Variants in FUT8 observed in about 807,000 individuals in gnomAD.
FUT8 encodes the protein fucosyltransferase 8, also known as alpha-(1,6)-fucosyltransferase.
A neutral mutation model predicts 71.3 loss-of-function variants in FUT8; 29 were observed. The observed-to-expected ratio is 0.41, with a 90% CI of 0.30 to 0.55. The LOEUF is 0.55. Ranked by LOEUF, FUT8 falls within the 20% of genes least tolerant of loss-of-function variation. FUT8 has a pLI of 0.34. For synonymous variants in FUT8, 254 were observed against 239.3 expected, an observed-to-expected ratio of 1.06 and a Z score of -0.57; for missense variants, 544 against 702.1, an observed-to-expected ratio of 0.77 and a Z score of 2.55.
At chr14:65,657,762 T>C (rs1331135381) in intron 6 of FUT8, among the ~76,000 whole-genome samples, 1 of 151,894 alleles carries the variant, frequency 6.6e-6, no homozygotes, top group East Asian at 1.9e-4. Context: ...AGAAAGAATA[T>C]CTCACAGCAC....
intron 3 of FUT8, among the ~76,000 whole-genome samples, chr14:65,567,275 T>C (rs1886245718): frequency 6.6e-6 from 1 of 151,938 alleles, no homozygotes; most frequent in African/African-American, 2.4e-5. Context: ...GAATGTATGA[T>C]TAATTTCCGA....
chr14:65,595,248 A>G (rs2140151549), intron 3 of FUT8, among the ~76,000 whole-genome samples: 1 of 152,336 alleles, frequency 6.6e-6, no homozygotes, highest in Admixed American at 6.5e-5. Context: ...GTGTCTGGAT[A>G]TGGTTAATAT....
chr14:65,532,548 T>G (rs1884022932), intron 2 of FUT8, among the ~76,000 whole-genome samples: 1 of 152,222 alleles, frequency 6.6e-6, no homozygotes, highest in Non-Finnish European at 1.5e-5. Flanking sequence ...GTCAGATTCA[T>G]AGACCTTTAC....
chr14:65,539,027 G>A (rs897621070), intron 2 of FUT8, among the ~76,000 whole-genome samples: 3 of 152,244 alleles, frequency 2.0e-5, no homozygotes, highest in South Asian at 2.1e-4. Context: ...TCTGCTGGCC[G>A]ATATAAAATG....
intron 7 of FUT8, among the ~76,000 whole-genome samples, chr14:65,680,103 C>G (rs1026231255): frequency 6.6e-6 from 1 of 152,114 alleles, no homozygotes; most frequent in Non-Finnish European, 1.5e-5. Flanking sequence ...AATTAGCTCA[C>G]ACAGTTATCA....
intron 7 of FUT8, among the ~76,000 whole-genome samples, chr14:65,705,687 G>A (rs1357406040): frequency 2.0e-5 from 3 of 152,198 alleles, no homozygotes; most frequent in Non-Finnish European, 2.9e-5. Flanking sequence ...AAGTGTTACT[G>A]TTTTAGACAA....
At chr14:65,596,189 G>C (rs905745983) in intron 3 of FUT8, among the ~76,000 whole-genome samples, 3 of 152,028 alleles carry the variant, frequency 2.0e-5, no homozygotes, top group Non-Finnish European at 2.9e-5. Context: ...TATTTTAACT[G>C]GGTTAGAGAA....
the FUT8 span, among the ~76,000 whole-genome samples, chr14:65,401,166 A>G: frequency 4.8e-4 from 73 of 152,346 alleles, no homozygotes; most frequent in South Asian, 0.014. Flanking sequence ...GCAAAAACCA[A>G]TATGAGGACT....
chr14:65,424,213 G>A (rs1052355498), intron 1 of FUT8, among the ~76,000 whole-genome samples: 3 of 152,164 alleles, frequency 2.0e-5, no homozygotes, highest in African/African-American at 7.2e-5. Flanking sequence ...ATGTCACATG[G>A]TACTTTAAGC....
chr14:65,521,176 T>C (rs1212501480), intron 2 of FUT8, among the ~76,000 whole-genome samples: 2 of 152,080 alleles, frequency 1.3e-5, no homozygotes, highest in Non-Finnish European at 2.9e-5. Context: ...TCTTATATAG[T>C]GATATTCTAT....
upstream of FUT8, chr14:65,411,389 G>C (rs1304682126): frequency 6.6e-6 from 1 of 152,618 alleles, no homozygotes; most frequent in Non-Finnish European, 1.5e-5. Context: ...GAGTCTCAAG[G>C]TCTAGGAAAG....
the FUT8 span, among the ~76,000 whole-genome samples, chr14:65,378,540 G>A: frequency 1.7e-3 from 256 of 152,252 alleles, 3 homozygotes; most frequent in Non-Finnish European, 4.6e-4. Flanking sequence ...TTAAGTAAAT[G>A]TCAGGTGATG....
intron 2 of FUT8, among the ~76,000 whole-genome samples, chr14:65,456,871 C>CA (rs1212475205): frequency 0.11 from 11,313 of 100,476 alleles, 697 homozygotes; most frequent in South Asian, 0.24. Flanking sequence ...GACTCTGTCT[C>CA]AAAAAAAAAA....
chr14:65,637,845 G>A (rs868862509), intron 6 of FUT8, among the ~76,000 whole-genome samples: 2 of 152,108 alleles, frequency 1.3e-5, no homozygotes, highest in African/African-American at 2.4e-5. Flanking sequence ...GGAAGTCGTC[G>A]TGGATTTTGC....
the FUT8 span, among the ~76,000 whole-genome samples, chr14:65,370,215 T>C: frequency 7.1e-6 from 1 of 140,650 alleles, no homozygotes; most frequent in Non-Finnish European, 1.5e-5. Context: ...TTTTTTTTTT[T>C]TTTTTTTTTT....
chr14:65,665,083 G>C (rs1211848099), intron 6 of FUT8, among the ~76,000 whole-genome samples: 1 of 152,164 alleles, frequency 6.6e-6, no homozygotes, highest in African/African-American at 2.4e-5. Flanking sequence ...TCCACATTCA[G>C]TTGTGAAAAT....
chr14:65,424,203 A>G (rs2065347125), intron 1 of FUT8, among the ~76,000 whole-genome samples: 1 of 152,240 alleles, frequency 6.6e-6, no homozygotes, highest in South Asian at 2.1e-4. Flanking sequence ...GAGATGATTA[A>G]TGTCACATGG....
chr14:65,539,808 A>G (rs1159156433), intron 2 of FUT8, among the ~76,000 whole-genome samples: 1 of 152,214 alleles, frequency 6.6e-6, no homozygotes, highest in Non-Finnish European at 1.5e-5. Flanking sequence ...TGAAGCATAT[A>G]TGTCTGTGGA....
At chr14:65,420,585 G>A (rs2065278710) in intron 1 of FUT8, among the ~76,000 whole-genome samples, 1 of 151,832 alleles carries the variant, frequency 6.6e-6, no homozygotes, top group Non-Finnish European at 1.5e-5. Flanking sequence ...TAAATGCACG[G>A]TTGGAAAATA....
Sources: allele counts gnomAD v4.1 joint callset (sites outside exome capture counted in the v4.1 genomes callset), GRCh38; gene constraint gnomAD v4.1.1; transcripts MANE v1.5; gene names NCBI Gene and HGNC (gene_info 2026-07-23, HGNC 2026-07-21).